Variants in OSBPL9 observed in about 807,000 individuals in gnomAD.
OSBPL9 encodes oxysterol-binding protein-related protein 9.
A neutral mutation model predicts 106.6 loss-of-function variants in OSBPL9; 40 were observed. That is an observed-to-expected ratio of 0.38 (90% CI 0.29 to 0.49). The LOEUF (loss-of-function observed/expected upper bound fraction) is 0.49, where lower values mean the gene tolerates loss of function less well. Among genes scored for constraint, OSBPL9 ranks in the 20% least tolerant of loss-of-function variants. The pLI, the probability that OSBPL9 is intolerant of heterozygous loss-of-function variation, is 0.97. For synonymous variants in OSBPL9, 269 were observed against 295.4 expected (o/e 0.91, Z 0.92); for missense variants, 609 against 887.2 (o/e 0.69, Z 3.98).
chr1:51,556,124 T>C, the OSBPL9 span, among the ~76,000 whole-genome samples: 127 of 152,088 alleles, frequency 8.4e-4, no homozygotes, highest in African/African-American at 2.7e-3. Context: ...ATAAGTAAAG[T>C]AGGGAAAATA....
the OSBPL9 span, among the ~76,000 whole-genome samples, chr1:51,551,989 G>GTGTGTGTGTGTGTGTA: frequency 6.6e-6 from 1 of 151,868 alleles, no homozygotes; most frequent in African/African-American, 2.4e-5. Flanking sequence ...GTGTGTGTGT[G>GTGTGTGTGTGTGTGTA]TGTGTGTGTG....
upstream of OSBPL9, among the ~76,000 whole-genome samples, chr1:51,616,718 A>G (rs552448464): frequency 9.9e-4 from 151 of 152,356 alleles, no homozygotes; most frequent in Non-Finnish European, 1.7e-3. Context: ...TGCCTAGCAC[A>G]AAACAGCGAA....
chr1:51,722,309 G>GT (rs949021967), intron 4 of OSBPL9, among the ~76,000 whole-genome samples: 3 of 152,142 alleles, frequency 2.0e-5, no homozygotes, highest in Non-Finnish European at 4.4e-5. Flanking sequence ...AAATCTACAT[G>GT]TTTTTTCAGA....
chr1:51,762,223 A>G (rs1671672256), intron 11 of OSBPL9, among the ~76,000 whole-genome samples: 1 of 152,160 alleles, frequency 6.6e-6, no homozygotes, highest in African/African-American at 2.4e-5. Flanking sequence ...TCACTCTGTC[A>G]TTCAGGCTGG....
chr1:51,530,184 A>AT, the OSBPL9 span, among the ~76,000 whole-genome samples: 85 of 103,448 alleles, frequency 8.2e-4, 1 homozygote, highest in East Asian at 0.015. Flanking sequence ...AAAAAAAAAA[A>AT]AAAAAAAACA....
chr1:51,557,796 G>A, the OSBPL9 span, among the ~76,000 whole-genome samples: 9 of 152,290 alleles, frequency 5.9e-5, no homozygotes, highest in African/African-American at 2.2e-4. Flanking sequence ...CAGACCATAT[G>A]ATGTAAGGGA....
intron 1 of OSBPL9, among the ~76,000 whole-genome samples, chr1:51,627,758 C>T (rs779361527): frequency 4.6e-5 from 7 of 151,824 alleles, no homozygotes; most frequent in Non-Finnish European, 7.4e-5. Flanking sequence ...AACCTGTCTT[C>T]CTCAATATAC....
upstream of OSBPL9, among the ~76,000 whole-genome samples, chr1:51,615,009 C>T (rs1180872403): frequency 6.6e-6 from 1 of 152,192 alleles, no homozygotes; most frequent in African/African-American, 2.4e-5. Context: ...CCTGTAATCC[C>T]AACACTTTGG....
chr1:51,615,977 A>G (rs1004706747), upstream of OSBPL9, among the ~76,000 whole-genome samples: 1 of 146,914 alleles, frequency 6.8e-6, no homozygotes, highest in Non-Finnish European at 1.5e-5. Context: ...GTGCCTAGAT[A>G]TAGTAGGTGG....
the OSBPL9 span, among the ~76,000 whole-genome samples, chr1:51,550,319 T>C: frequency 2.6e-5 from 4 of 152,004 alleles, no homozygotes; most frequent in Non-Finnish European, 5.9e-5. Context: ...TGCAAACAAG[T>C]GACAATTATT....
chr1:51,761,974 A>G lies in OSBPL9; in HGVS notation c.778+3A>G. The G allele has an allele frequency of 6.3e-7, 1 of 1,578,926 alleles. No individual in the cohort carries two copies. Among genetic ancestry groups the G allele is most frequent in the Non-Finnish European group, 8.7e-7 (1 of 1,148,126 alleles). Reference sequence around the variant, plus strand: ...GACTCCTACACCAAATAGTACAGGTACAGATTTGCATAATTTCTTTATGTC... The same window carrying G: ...GACTCCTACACCAAATAGTACAGGTGCAGATTTGCATAATTTCTTTATGTC... On this transcript the variant is annotated splice_donor_region_variant and intron_variant, in intron 11 of 23. Coordinates refer to ENST00000428468, the MANE Select transcript of OSBPL9 (RefSeq NM_024586.6).
chr1:51,565,050 G>A, the OSBPL9 span, among the ~76,000 whole-genome samples: 1 of 151,982 alleles, frequency 6.6e-6, no homozygotes, highest in Non-Finnish European at 1.5e-5. Context: ...CCTCCACCAA[G>A]GATTGGGGCC....
chr1:51,769,098 A>G (rs1230916730), intron 12 of OSBPL9, among the ~76,000 whole-genome samples: 3 of 152,148 alleles, frequency 2.0e-5, no homozygotes, highest in South Asian at 2.1e-4. Flanking sequence ...AGTTCCATAT[A>G]TATCTTATGT....
chr1:51,749,486 T>C, intron 7 of OSBPL9: 1 of 432,620 alleles, frequency 2.3e-6, no homozygotes, highest in Non-Finnish European at 4.7e-6. Context: ...CTAATTTTTA[T>C]TTTAATTTTT....
At chr1:51,651,886 G>A in intron 1 of OSBPL9, 105 bp from the exon 2 acceptor site, 6 of 799,044 alleles carry the variant, frequency 7.5e-6, no homozygotes, top group Non-Finnish European at 1.2e-5. Flanking sequence ...TGGCAGAAGG[G>A]ATGGGTATTA....
chr1:51,631,413 G>A (rs966726208), intron 1 of OSBPL9, among the ~76,000 whole-genome samples: 4 of 152,024 alleles, frequency 2.6e-5, no homozygotes, highest in East Asian at 1.9e-4. Flanking sequence ...ATGGTGGAGT[G>A]TACCTGTGGC....
At chr1:51,583,070 C>A (rs977614194) in intron 1 of OSBPL9, 4 of 151,786 alleles carry the variant, frequency 2.6e-5, no homozygotes, top group Non-Finnish European at 4.4e-5. Context: ...GCCTGGGTGA[C>A]AAAGTGAGAC....
the OSBPL9 span, among the ~76,000 whole-genome samples, chr1:51,541,502 C>T: frequency 2.0e-5 from 3 of 152,272 alleles, no homozygotes; most frequent in African/African-American, 7.2e-5. Flanking sequence ...ATTCAAATTC[C>T]TGACAGAGAA....
chr1:51,737,717 C>CT (rs780040253), intron 4 of OSBPL9, among the ~76,000 whole-genome samples: 8 of 151,962 alleles, frequency 5.3e-5, no homozygotes, highest in Non-Finnish European at 1.2e-4. Context: ...ATTCCAGTGT[C>CT]TTTTATTTCT....
Sources: gnomAD v4.1 joint callset for allele counts (sites outside exome capture counted in the v4.1 genomes callset) on GRCh38, gnomAD v4.1.1 for gene constraint, MANE v1.5 for transcripts, NCBI Gene and HGNC (gene_info 2026-07-23, HGNC 2026-07-21) for gene names.